The following SPNS2 variants were observed in gnomAD, a reference collection of about 807,000 sequenced individuals.
The protein encoded by SPNS2 is sphingosine-1-phosphate transporter SPNS2.
A neutral mutation model predicts 57.6 loss-of-function variants in SPNS2; 37 were observed. That is an observed-to-expected ratio of 0.64 (90% CI 0.49 to 0.85). The LOEUF (loss-of-function observed/expected upper bound fraction) is 0.85. SPNS2 is among the 40% of genes least tolerant of loss of function. SPNS2 has a pLI of 0.00. For missense variants in SPNS2, 831 were observed against 779.1 expected (o/e 1.07, Z -0.79); for synonymous variants, 440 against 346.9 (o/e 1.27, Z -2.98).
At chr17:4,536,699 T>C in intron 11 of SPNS2, 1 of 632,548 alleles carries the variant, frequency 1.6e-6, no homozygotes, top group Non-Finnish European at 2.8e-6. Flanking sequence ...CCTCTTACTT[T>C]CTGACTTCTT....
In SPNS2 at chr17:4,537,892, T is replaced by C. The variant is rs1369398068; in HGVS notation, c.*444T>C. ...TGAAGACTCAACAGACCCTGGACCA[T>C]ACGGAGAGCAGGTGGCCCAGGCCTC... is the stretch of plus-strand genomic sequence containing the variant. On this transcript the variant is annotated 3_prime_UTR_variant, in exon 13 of 13. Transcript: ENST00000329078. 1 of 426,176 alleles carries C rather than the reference T, an allele frequency of 2.3e-6. No individual in the cohort carries two copies. The highest frequency in any genetic ancestry group is 2.5e-5 in the Admixed American group (1 of 39,350). The allele number at this position is 426,176 out of a possible 1,614,324, so 26.4% of individuals were successfully genotyped here.
At chr17:4,532,497 G>T (rs757918496) in intron 5 of SPNS2, 45 bp from the exon 6 acceptor site, 1 of 1,613,778 alleles carries the variant, frequency 6.2e-7, no homozygotes, top group South Asian at 1.1e-5. Flanking sequence ...CAGCAGGGAC[G>T]AGGCTCACTG....
intron 4 of SPNS2, 128 bp downstream of exon 4, chr17:4,530,911 C>T: frequency 6.8e-7 from 1 of 1,467,416 alleles, no homozygotes; most frequent in South Asian, 1.3e-5. Flanking sequence ...TGTGGGCGGT[C>T]AGCCTTTGAG....
intron 1 of SPNS2, among the ~76,000 whole-genome samples, chr17:4,506,593 C>T (rs1904684080): frequency 6.6e-6 from 1 of 152,184 alleles, no homozygotes; most frequent in African/African-American, 2.4e-5. Flanking sequence ...GCAGCCCGGC[C>T]CCGCCCACTC....
Position 4,498,886 on chromosome 17 carries a change from G to T in SPNS2, c.-162G>T, listed in dbSNP as rs1339814250. On this transcript the variant is annotated 5_prime_UTR_variant, in exon 1 of 13. Transcript: ENST00000329078. ...GCCGCGGCGGCGAACGAGGCGCAGC[G>T]AGCTGAGCGGTGGCAGCGCCGCAGC... 6 of 237,004 alleles carry T rather than the reference G, an allele frequency of 2.5e-5. No individual in the cohort carries two copies. The South Asian group carries it at 6.2e-4, about 25-fold the overall frequency. 14.7% of individuals were successfully genotyped at this position (237,004 alleles called of 1,614,324 possible).
chr17:4,514,776 T>G (rs1904944613), intron 2 of SPNS2, among the ~76,000 whole-genome samples: 1 of 152,252 alleles, frequency 6.6e-6, no homozygotes, highest in Non-Finnish European at 1.5e-5. Context: ...GCTGTGTGCA[T>G]GCAGTGACCA....
rs1389601877 is a variant in SPNS2, at chr17:4,536,163, C to G, written c.1432C>G (p.Leu478Val). 4 of 1,612,052 alleles carry G rather than the reference C, an allele frequency of 2.5e-6. No homozygotes were observed. The highest frequency in any genetic ancestry group is 1.1e-5 in the South Asian group (1 of 91,058). The change falls in exon 10 of 13, where the codon CTC (leucine) becomes GTC (valine). Residue 478 changes from leucine (L) to valine (V), a missense_variant. This residue lies in a region of SPNS2 where 526 missense variants were observed against 400.9 expected (regional missense o/e 1.31). Transcript: ENST00000329078. ...GCTGGGGGACGCCGGGAGCCCCTAC[C>G]TCATTGGCTTTGTGAGTAGCCCCGG... ...HLLGDAGSPY[L>V]IGFISDLIRQ...
intron 11 of SPNS2, 47 bp downstream of exon 11, chr17:4,536,473 G>T: frequency 1.3e-6 from 2 of 1,566,348 alleles, no homozygotes; most frequent in Middle Eastern, 3.8e-4. Context: ...GGGAAGCAGG[G>T]ACCGTGATAG....
At chr17:4,537,139 A>G (rs1217236995) in intron 12 of SPNS2, among the ~76,000 whole-genome samples, 193 bp downstream of exon 12, 3 of 152,228 alleles carry the variant, frequency 2.0e-5, no homozygotes, top group Non-Finnish European at 4.4e-5. Flanking sequence ...TGCTCCTTCC[A>G]GTAAATTAGC....
chr17:4,518,429 A>T (rs753122773), intron 2 of SPNS2, among the ~76,000 whole-genome samples: 3 of 152,238 alleles, frequency 2.0e-5, no homozygotes, highest in Non-Finnish European at 4.4e-5. Flanking sequence ...AGACTGAGGC[A>T]GGGGAATGGC....
chr17:4,527,356 C>T (rs1298987218), intron 3 of SPNS2, among the ~76,000 whole-genome samples: 1 of 152,226 alleles, frequency 6.6e-6, no homozygotes, highest in South Asian at 2.1e-4. Context: ...CCAGAGTCCT[C>T]ATTTCTGTGG....
Position 4,533,141 on chromosome 17 carries a change from CG to C in SPNS2, c.1088+16del. 6.2e-7 allele frequency: 1 copy of C among 1,601,424 alleles called. No homozygotes were observed. Among genetic ancestry groups the C allele is most frequent in the Non-Finnish European group, 8.5e-7 (1 of 1,173,390 alleles). ...GGGGCCAAGGACAGGTGGGGCCCCG[CG>C]GGGTGGGCCCAGGGCTGGTGAGGGA... On this transcript the variant is annotated intron_variant, in intron 7 of 12. Transcript: ENST00000329078.
rs1906029033 is a variant in SPNS2, at chr17:4,538,771, C to G, written c.*1323C>G. On this transcript the variant is annotated 3_prime_UTR_variant, in exon 13 of 13. Transcript: ENST00000329078. ...AGGTGGAATACTCACCCACCAAGCT[C>G]TGGGGTACCCCGAGGGCCTGACAAG... 1.1e-5 allele frequency: 8 copies of G among 733,304 alleles called. No homozygotes were observed. The highest frequency in any genetic ancestry group is 1.5e-5 in the South Asian group (1 of 68,896). The allele number at this position is 733,304 out of a possible 1,614,324, so 45.4% of individuals were successfully genotyped here. A position where few individuals can be genotyped will look rare whatever the true frequency, so the allele number is the denominator to read the frequency against.
intron 2 of SPNS2, among the ~76,000 whole-genome samples, chr17:4,516,870 T>C (rs1271686376): frequency 2.6e-5 from 4 of 152,168 alleles, no homozygotes; most frequent in African/African-American, 9.7e-5. Flanking sequence ...ATGCAGAGTG[T>C]TTAGGGACCA....
Position 4,537,766 on chromosome 17 carries a change from G to T in SPNS2, c.*318G>T, listed in dbSNP as rs1174137821. 2 of 456,216 alleles carry T rather than the reference G, an allele frequency of 4.4e-6. No homozygotes were observed. The highest frequency in any genetic ancestry group is 4.0e-5 in the African/African-American group (2 of 50,096). 28.3% of individuals were successfully genotyped at this position (456,216 alleles called of 1,614,324 possible). The stretch of plus-strand genomic sequence containing the variant: ...CCGGGGAGAGCCTGGCCTGCCACCA[G>T]CTTATGTGATCTTGGGCAAGTCCCT... On this transcript the variant is annotated 3_prime_UTR_variant, in exon 13 of 13. Coordinates refer to ENST00000329078, the MANE Select transcript of SPNS2 (RefSeq NM_001124758.3).
At position 4,533,231 on chromosome 17, in the gene SPNS2, C is replaced by A; in HGVS notation, c.1089-12C>A. 6.3e-7 allele frequency: 1 copy of A among 1,591,046 alleles called. No homozygotes were observed. On this transcript the variant is annotated splice_polypyrimidine_tract_variant and intron_variant, in intron 7 of 12. Coordinates refer to ENST00000329078, the MANE Select transcript of SPNS2 (RefSeq NM_001124758.3). The stretch of plus-strand genomic sequence containing the variant: ...GCCTCAACTCGTGCGCCACCATCCT[C>A]TGTCCCCACAGCCTCATCTTTGGGG...
At chr17:4,535,972 T>G in intron 9 of SPNS2, 104 bp from the exon 10 acceptor site, 1 of 887,184 alleles carries the variant, frequency 1.1e-6, no homozygotes, top group East Asian at 2.6e-5. Flanking sequence ...AGGGCAGGAG[T>G]GAGTCTGAGG....
Position 4,513,263 on chromosome 17 carries a change from C to G in SPNS2, c.387C>G (p.Ile129Met), listed in dbSNP as rs1297040509. Reference protein sequence around the residue: ...RYTVAGVLLDIQQHFGVKDRG... With the variant: ...RYTVAGVLLDMQQHFGVKDRG... ...TCCCTCCAGGCGTCCTTCTGGACAT[C>G]CAGCAGCACTTTGGGGTCAAGGACC... The change falls in exon 2 of 13, where the codon ATC becomes ATG. Residue 129 changes from isoleucine (I) to methionine (M), a missense_variant. Ile to Met is a conservative substitution (Grantham distance 10). Around this residue, in one of 2 missense-constraint regions of SPNS2, gnomAD observed 305 missense variants for 378.3 expected, o/e 0.81. Transcript: ENST00000329078. 1 of 1,613,916 alleles carries G rather than the reference C, an allele frequency of 6.2e-7. No individual in the cohort carries two copies. The highest frequency in any genetic ancestry group is 1.3e-5 in the African/African-American group (1 of 74,934).
Position 4,538,848 on chromosome 17 carries a change from A to C in SPNS2, c.*1400A>C. 2 of 779,450 alleles carry C rather than the reference A, an allele frequency of 2.6e-6. No individual in the cohort carries two copies. The highest frequency in any genetic ancestry group is 4.8e-6 in the Non-Finnish European group (2 of 417,314). The allele number at this position is 779,450 out of a possible 1,614,324, so 48.3% of individuals were successfully genotyped here. ...AAAGACCAGCCTCCACCCCCACTCC[A>C]GCCTCAGCGGGGCCCCAGCGATGTT... On this transcript the variant is annotated 3_prime_UTR_variant, in exon 13 of 13. Coordinates refer to ENST00000329078, the MANE Select transcript of SPNS2 (RefSeq NM_001124758.3).
Sources: allele counts gnomAD v4.1 joint callset (sites outside exome capture counted in the v4.1 genomes callset), GRCh38; gene constraint gnomAD v4.1.1; regional missense constraint gnomAD v4.1.1; transcripts MANE v1.5; gene names NCBI Gene and HGNC (gene_info 2026-07-23, HGNC 2026-07-21).